LRRC8E: variants seen among roughly 807,000 people sequenced by gnomAD.
LRRC8E encodes the protein volume-regulated anion channel subunit LRRC8E.
Under a neutral mutation model 6.1 loss-of-function variants are expected in LRRC8E, and 6 were observed. That is an observed-to-expected ratio of 0.98 (90% CI 0.54 to 1.93). The LOEUF is 1.93. LRRC8E is among the 30% of genes most tolerant of loss of function. The pLI is 0.01. For synonymous variants in LRRC8E, 485 were observed against 472.8 expected (o/e 1.03, Z -0.33); for missense variants, 1,028 against 1,031.4 (o/e 1.00, Z 0.04).
rs545359872 is a variant in LRRC8E at position 7,900,292 on chromosome 19, G to A, written c.1770G>A (p.Val590=). Residue 590 remains valine, a synonymous_variant, in exon 3 of 3, where the codon GTG becomes GTA. Coordinates refer to ENST00000306708, the MANE Select transcript of LRRC8E (RefSeq NM_025061.6). The surrounding 1 kb of genome is among the most constrained non-coding windows in gnomAD (Gnocchi z 5.0). ...CGGCATTGCGGGAGCTGGAGCTGGT[G>A]GCCTGCGGGCTGGAGCGCATCCCCC... is the stretch of plus-strand genomic sequence containing the variant. ...KLAALRELEL[V]ACGLERIPHA... 1.4e-5 allele frequency: 23 copies of A among 1,613,390 alleles called. No homozygotes were observed. The highest frequency in any genetic ancestry group is 1.6e-4 in the Middle Eastern group (1 of 6,062).
chr19:7,895,559 G>A lies in LRRC8E; in HGVS notation c.-5-40G>A, dbSNP rs202002327. On this transcript the variant is annotated intron_variant, in intron 1 of 2. Coordinates refer to ENST00000306708, the MANE Select transcript of LRRC8E (RefSeq NM_025061.6). The surrounding 1 kb of genome is among the most constrained non-coding windows in gnomAD (Gnocchi z 4.7). ...CCCCCTGCAGAGCCTCCCATCCTGA[G>A]GGTCTCTCTCTACACCCCCCGTCTC... The A allele has an allele frequency of 2.5e-4, 404 of 1,593,760 alleles. No individual in the cohort carries two copies. Among genetic ancestry groups the A allele is most frequent in the Non-Finnish European group, 3.3e-4 (383 of 1,163,578 alleles).
intron 2 of LRRC8E, among the ~76,000 whole-genome samples, chr19:7,897,726 C>T (rs1443339886): frequency 2.0e-5 from 3 of 151,806 alleles, no homozygotes; most frequent in Admixed American, 6.6e-5. Flanking sequence ...TCTATGTTTC[C>T]CCTTTCTCTA....
chr19:7,899,567 G>T lies in LRRC8E; in HGVS notation c.1045G>T (p.Glu349Ter). ...GGAGTACTCCTTCCGTTCCGTGCGG[G>T]AGGAGACTGGCATGGGGGACATTCC... ...LKEYSFRSVR[E>*]ETGMGDIPDV... Residue 349 changes from glutamate (E) to a stop codon, truncating the protein, a stop_gained, in exon 3 of 3, where the codon GAG (glutamate) becomes TAG (stop). Transcript: ENST00000306708. LOFTEE classifies it low-confidence loss of function (END_TRUNC). 1 of 1,613,872 alleles carries T rather than the reference G, an allele frequency of 6.2e-7. No homozygotes were observed. Among genetic ancestry groups the T allele is most frequent in the East Asian group, 2.2e-5 (1 of 44,890 alleles).
intron 2 of LRRC8E, among the ~76,000 whole-genome samples, chr19:7,897,188 T>C (rs1568264903): frequency 2.0e-5 from 3 of 151,476 alleles, no homozygotes; most frequent in East Asian, 1.9e-4. Flanking sequence ...CTTTTTTTTT[T>C]AGACAGAGTC....
Position 7,898,658 on chromosome 19 carries a change from C to T in LRRC8E, c.139-3C>T, listed in dbSNP as rs561794217. 2.1e-5 allele frequency: 34 copies of T among 1,592,746 alleles called. No individual in the cohort carries two copies. The South Asian group carries it at 3.5e-4, about 16-fold the overall frequency. ...ACAGCCCTCATTCTCTTTTGCTCCTCAGGTGACACAGGACAAGATCATCTG... is the reference window on the plus strand; with the variant it reads ...ACAGCCCTCATTCTCTTTTGCTCCTTAGGTGACACAGGACAAGATCATCTG... On this transcript the variant is annotated splice_polypyrimidine_tract_variant and splice_region_variant and intron_variant, in intron 2 of 2. Transcript: ENST00000306708.
Position 7,895,443 on chromosome 19 carries a change from TAA to T in LRRC8E, c.-5-155_-5-154del. 1.2e-6 allele frequency: 1 copy of T among 864,756 alleles called. No homozygotes were observed. The highest frequency in any genetic ancestry group is 1.8e-6 in the Non-Finnish European group (1 of 555,998). The allele number at this position is 864,756 out of a possible 1,614,324, so 53.6% of individuals were successfully genotyped here. A position where few individuals can be genotyped will look rare whatever the true frequency, so the allele number is the denominator to read the frequency against. ...GCATGGAGGGTGACTAAGGCCAGGC[TAA>T]GAGGGAAGTGGGGGCACACACTTTG... is the stretch of plus-strand genomic sequence containing the variant. On this transcript the variant is annotated intron_variant, in intron 1 of 2. Coordinates refer to ENST00000306708, the MANE Select transcript of LRRC8E (RefSeq NM_025061.6). The surrounding 1 kb of genome is among the most constrained non-coding windows in gnomAD (Gnocchi z 4.7).
chr19:7,901,212 AG>A lies in LRRC8E; in HGVS notation c.*300del. The A allele has an allele frequency of 3.7e-6, 1 of 272,624 alleles. No individual in the cohort carries two copies. The highest frequency in any genetic ancestry group is 7.0e-6 in the Non-Finnish European group (1 of 142,760). 16.9% of individuals were successfully genotyped at this position (272,624 alleles called of 1,614,324 possible). ...GCTGGCTGGCCTTGCTCCCATCCCTAGAACTGCTGCCTCTCCCTGGATATTC... is the reference window on the plus strand; with the variant it reads ...GCTGGCTGGCCTTGCTCCCATCCCTAAACTGCTGCCTCTCCCTGGATATTC... On this transcript the variant is annotated 3_prime_UTR_variant, in exon 3 of 3. Transcript: ENST00000306708.
rs1981936960 is a variant in LRRC8E, at chr19:7,900,517, G to T, written c.1995G>T (p.Leu665=). The change falls in exon 3 of 3, where the codon CTG becomes CTT. Residue 665 remains leucine, a synonymous_variant. Transcript: ENST00000306708. The surrounding 1 kb of genome is among the most constrained non-coding windows in gnomAD (Gnocchi z 5.0). ...AGCTCTACCTCAGCTACAACAAGCT[G>T]GAGACCCTGCCCTCCCAGCTCGGCC... ...LEQLYLSYNK[L]ETLPSQLGLC... 6.2e-7 allele frequency: 1 copy of T among 1,612,934 alleles called. No homozygotes were observed. Among genetic ancestry groups the T allele is most frequent in the African/African-American group, 1.3e-5 (1 of 74,930 alleles).
Position 7,901,147 on chromosome 19 carries a change from T to C in LRRC8E, c.*234T>C, listed in dbSNP as rs191245691. ...TGGTATGGAGGGATTAACTCAGTCA[T>C]GGCATTCTCCGACCAAAACCACACC... On this transcript the variant is annotated 3_prime_UTR_variant, in exon 3 of 3. Coordinates refer to ENST00000306708, the MANE Select transcript of LRRC8E (RefSeq NM_025061.6). The C allele has an allele frequency of 4.6e-5, 19 of 417,170 alleles. No homozygotes were observed. The highest frequency in any genetic ancestry group is 2.6e-4 in the African/African-American group (13 of 49,702). The allele number at this position is 417,170 out of a possible 1,614,324, so 25.8% of individuals were successfully genotyped here.
At position 7,899,499 on chromosome 19, in the gene LRRC8E, C is replaced by T. The variant is rs370392318; in HGVS notation, c.977C>T (p.Thr326Ile). ...YISFVCIYGL[T>I]CIYTLYWLFH... ...TCCTTTGTGTGCATCTACGGACTTA[C>T]CTGCATCTACACGCTCTACTGGCTC... is the stretch of plus-strand genomic sequence containing the variant. Residue 326 changes from threonine to isoleucine, a missense_variant, in exon 3 of 3, where the codon ACC becomes ATC. Coordinates refer to ENST00000306708, the MANE Select transcript of LRRC8E (RefSeq NM_025061.6). 3.1e-6 allele frequency: 5 copies of T among 1,613,976 alleles called. No homozygotes were observed. In the East Asian group the frequency reaches 6.7e-5, roughly 22 times the overall value.
chr19:7,890,921 T>G (rs1449429028), intron 1 of LRRC8E, among the ~76,000 whole-genome samples: 1 of 152,190 alleles, frequency 6.6e-6, no homozygotes, highest in Non-Finnish European at 1.5e-5. Context: ...GGTCTCAAAC[T>G]CCTGACCTCA....
At position 7,899,648 on chromosome 19, in the gene LRRC8E, C is replaced by G; in HGVS notation, c.1126C>G (p.Leu376Val). The change falls in exon 3 of 3, where the codon CTC (leucine) becomes GTC (valine). Residue 376 changes from leucine to valine, a missense_variant. Physicochemically the swap from Leu to Val is conservative, Grantham distance 32 (BLOSUM62 1). Transcript: ENST00000306708. ...MLHLIDQYDS[L>V]YSKRFAVFLS... ...GCACCTCATCGATCAGTACGACTCC[C>G]TCTACTCCAAGCGCTTCGCCGTCTT... is the stretch of plus-strand genomic sequence containing the variant. The G allele has an allele frequency of 6.2e-7, 1 of 1,613,774 alleles. No individual in the cohort carries two copies. Among genetic ancestry groups the G allele is most frequent in the Non-Finnish European group, 8.5e-7 (1 of 1,180,052 alleles).
intron 2 of LRRC8E, among the ~76,000 whole-genome samples, chr19:7,896,053 T>G (rs559071261): frequency 6.6e-6 from 1 of 152,174 alleles, no homozygotes; most frequent in South Asian, 2.1e-4. Context: ...TTCTCCTGCC[T>G]CAGCCTCCTG....
intron 1 of LRRC8E, among the ~76,000 whole-genome samples, chr19:7,890,803 T>C (rs1981265907): frequency 6.6e-6 from 1 of 151,728 alleles, no homozygotes; most frequent in African/African-American, 2.4e-5. Context: ...AAAAAAGAGA[T>C]TCTCCTGCTT....
intron 1 of LRRC8E, among the ~76,000 whole-genome samples, chr19:7,890,414 A>G (rs1407551148): frequency 6.6e-6 from 1 of 152,036 alleles, no homozygotes; most frequent in South Asian, 2.1e-4. Context: ...TTTTTGAGAT[A>G]GAGTCTTGCT....
At chr19:7,894,777 C>T (rs1981489795) in intron 1 of LRRC8E, among the ~76,000 whole-genome samples, 1 of 152,220 alleles carries the variant, frequency 6.6e-6, no homozygotes, top group South Asian at 2.1e-4. Flanking sequence ...TGGGAACAGA[C>T]AGAGTGGGCC....
At chr19:7,898,257 C>G (rs949869333) in intron 2 of LRRC8E, among the ~76,000 whole-genome samples, 3 of 151,148 alleles carry the variant, frequency 2.0e-5, no homozygotes, top group Non-Finnish European at 4.4e-5. Context: ...TAGCAAAACT[C>G]TTCCAAAATC....
intron 2 of LRRC8E, among the ~76,000 whole-genome samples, chr19:7,897,102 C>T (rs1981635431): frequency 6.6e-6 from 1 of 152,082 alleles, no homozygotes; most frequent in Admixed American, 6.6e-5. Flanking sequence ...TCCAAGCTTC[C>T]CTCCTAGATT....
intron 1 of LRRC8E, among the ~76,000 whole-genome samples, chr19:7,890,868 G>A (rs2145093855): frequency 6.6e-6 from 1 of 152,246 alleles, no homozygotes; most frequent in South Asian, 2.1e-4. Flanking sequence ...AGCTAATTTT[G>A]TATTTTTAGT....
Sources: allele counts gnomAD v4.1 joint callset (sites outside exome capture counted in the v4.1 genomes callset), GRCh38; gene constraint gnomAD v4.1.1; non-coding constraint Gnocchi (gnomAD v3.1); transcripts MANE v1.5; gene names NCBI Gene and HGNC (gene_info 2026-07-23, HGNC 2026-07-21).